Variants in C11orf24 observed in about 807,000 individuals in gnomAD.
C11orf24 encodes the protein uncharacterized protein C11orf24.
Under a neutral mutation model 7.3 loss-of-function variants are expected in C11orf24, and 5 were observed. The ratio of observed to expected loss-of-function variants is 0.69; its 90% CI spans 0.36 to 1.45. The LOEUF (loss-of-function observed/expected upper bound fraction) is 1.45. Ranked by LOEUF, C11orf24 falls within the 40% of genes most tolerant of loss-of-function variation. The probability of loss-of-function intolerance (pLI) is 0.03; values close to 1 mark genes in which losing one functional copy is unlikely to be tolerated. For synonymous variants in C11orf24, 233 were observed against 235.7 expected, an observed-to-expected ratio of 0.99 and a Z score of 0.11; for missense variants, 566 against 590.5, an observed-to-expected ratio of 0.96 and a Z score of 0.43.
Position 68,261,929 on chromosome 11 carries a change from C to T in C11orf24, c.1066G>A (p.Asp356Asn). 1 of 1,613,952 alleles carries T rather than the reference C, an allele frequency of 6.2e-7. No individual in the cohort carries two copies. The highest frequency in any genetic ancestry group is 8.5e-7 in the Non-Finnish European group (1 of 1,180,048). Reference sequence around the variant, plus strand: ...CTCCTGGGTGTTGGCCCAGTGGAATCAGTACCTGGTGTGGCTTCAGTCTCT... The same window carrying T: ...CTCCTGGGTGTTGGCCCAGTGGAATTAGTACCTGGTGTGGCTTCAGTCTCT... Reference protein sequence around the residue: ...QVETEATPGTDSTGPTPRSSG... With the variant: ...QVETEATPGTNSTGPTPRSSG... The change falls in exon 4 of 4, where the codon GAT becomes AAT. Residue 356 changes from aspartate to asparagine, a missense_variant. Coordinates refer to ENST00000304271, the MANE Select transcript of C11orf24 (RefSeq NM_022338.4).
Position 68,262,355 on chromosome 11 carries a change from C to T in C11orf24, c.640G>A (p.Ala214Thr). Residue 214 changes from alanine (A) to threonine (T), a missense_variant, in exon 4 of 4, where the codon GCT becomes ACT. By Grantham distance (58) the Ala-to-Thr change is moderately conservative (BLOSUM62 0). Coordinates refer to ENST00000304271, the MANE Select transcript of C11orf24 (RefSeq NM_022338.4). ...TTTGCTGTGGTCGCTACAGTCTGAG[C>T]ACGTGTGGCCAATGTGGCCAGGGTT... ...TATLATLATR[A>T]QTVATTANTS... The T allele has an allele frequency of 1.2e-6, 2 of 1,614,132 alleles. No individual in the cohort carries two copies. The highest frequency in any genetic ancestry group is 8.5e-7 in the Non-Finnish European group (1 of 1,180,014).
At position 68,262,867 on chromosome 11, in the gene C11orf24, G is replaced by C; in HGVS notation, c.128C>G (p.Ser43Cys). The change falls in exon 4 of 4, where the codon TCT becomes TGT. Residue 43 changes from serine to cysteine, a missense_variant. By Grantham distance (112) the Ser-to-Cys change is moderately radical. Transcript: ENST00000304271. Reference protein sequence around the residue: ...MWKGLVKRNASVETVDNKTSE... With the variant: ...MWKGLVKRNACVETVDNKTSE... ...CGTTTTATTATCAACTGTTTCCACA[G>C]ATGCATTCCTCTTGACTAATCCCTT... The C allele has an allele frequency of 1.9e-6, 3 of 1,614,140 alleles. No homozygotes were observed. The South Asian group carries it at 3.3e-5, about 18-fold the overall frequency.
rs755379755 is a variant in C11orf24 at position 68,261,876 on chromosome 11, C to G, written c.1119G>C (p.Thr373=). ...RSSGGTKMPA[T]DSCQPSTQGQ... ...CTTGGGTGCTGGGCTGGCACGAGTC[C>G]GTGGCTGGCATCTTAGTGCCCCCTG... Residue 373 remains threonine, a synonymous_variant, in exon 4 of 4, where the codon ACG becomes ACC. Coordinates refer to ENST00000304271, the MANE Select transcript of C11orf24 (RefSeq NM_022338.4). The G allele has an allele frequency of 6.2e-7, 1 of 1,614,048 alleles. No homozygotes were observed. The highest frequency in any genetic ancestry group is 8.5e-7 in the Non-Finnish European group (1 of 1,180,042).
chr11:68,261,586 C>T lies in C11orf24; in HGVS notation c.*59G>A. ...AATTTGGAAGCACTTGGTTTGGTCTCAAAGGCAAAAGGAAAGGACGAGGAA... is the reference window on the plus strand; with the variant it reads ...AATTTGGAAGCACTTGGTTTGGTCTTAAAGGCAAAAGGAAAGGACGAGGAA... On this transcript the variant is annotated 3_prime_UTR_variant, in exon 4 of 4. Coordinates refer to ENST00000304271, the MANE Select transcript of C11orf24 (RefSeq NM_022338.4). The T allele has an allele frequency of 6.7e-7, 1 of 1,498,026 alleles. No homozygotes were observed. Among genetic ancestry groups the T allele is most frequent in the Non-Finnish European group, 9.0e-7 (1 of 1,112,034 alleles). 92.8% of individuals were successfully genotyped at this position (1,498,026 alleles called of 1,614,324 possible).
At position 68,263,795 on chromosome 11, in the gene C11orf24, G is replaced by A. The variant is rs761904584; in HGVS notation, c.-28C>T. 5.6e-6 allele frequency: 9 copies of A among 1,594,450 alleles called. No homozygotes were observed. The highest frequency in any genetic ancestry group is 7.7e-6 in the Non-Finnish European group (9 of 1,170,248). On this transcript the variant is annotated 5_prime_UTR_variant, in exon 3 of 4. Coordinates refer to ENST00000304271, the MANE Select transcript of C11orf24 (RefSeq NM_022338.4). ...TGTGGGTGAGCTGGGAGCAAGGCTG[G>A]GCGGTCCCCGAGGCTCCCAGCCAGC...
intron 3 of C11orf24, 36 bp downstream of exon 3, chr11:68,263,656 G>T: frequency 6.3e-7 from 1 of 1,590,670 alleles, no homozygotes; most frequent in East Asian, 2.2e-5. Context: ...TGGCCACCGT[G>T]GGCCCATCCA....
intron 1 of C11orf24, among the ~76,000 whole-genome samples, chr11:68,269,766 A>C (rs979692427): frequency 1.1e-4 from 17 of 151,914 alleles, no homozygotes; most frequent in Middle Eastern, 3.4e-3. Flanking sequence ...ATCACCACTT[A>C]CTCCCTCCCA....
chr11:68,261,633 C>T lies in C11orf24; in HGVS notation c.*12G>A. ...GGAAGGGGCCAGGCCTCCCGCCAGG[C>T]CCCCGCCCCCCTCACATTTCTGAGT... is the stretch of plus-strand genomic sequence containing the variant. On this transcript the variant is annotated 3_prime_UTR_variant, in exon 4 of 4. Transcript: ENST00000304271. 2 of 1,592,862 alleles carry T rather than the reference C, an allele frequency of 1.3e-6. No homozygotes were observed. The highest frequency in any genetic ancestry group is 1.7e-6 in the Non-Finnish European group (2 of 1,164,316).
chr11:68,262,431 G>A lies in C11orf24; in HGVS notation c.564C>T (p.Leu188=). ...PSTTATGHPS[L]STALAQVPKS... ...TTGGCACTTGTGCGAGGGCTGTGCT[G>A]AGAGATGGATGCCCAGTGGCGGTAG... The change falls in exon 4 of 4, where the codon CTC becomes CTT. Residue 188 remains leucine, a synonymous_variant. Coordinates refer to ENST00000304271, the MANE Select transcript of C11orf24 (RefSeq NM_022338.4). 6 of 1,614,178 alleles carry A rather than the reference G, an allele frequency of 3.7e-6. No individual in the cohort carries two copies. The highest frequency in any genetic ancestry group is 3.4e-6 in the Non-Finnish European group (4 of 1,180,022).
In C11orf24 at chr11:68,262,679, C is replaced by T; in HGVS notation, c.316G>A (p.Ala106Thr). The change falls in exon 4 of 4, where the codon GCT (alanine) becomes ACT (threonine). Residue 106 changes from alanine (A) to threonine (T), a missense_variant. Transcript: ENST00000304271. ...GTACTGGAGGCCACAGCCGTGGGAG[C>T]AATGGAGGTCACACCATCAGCTGCA... ...GGAADGVTSI[A>T]PTAVASSTTA... 1 of 1,614,102 alleles carries T rather than the reference C, an allele frequency of 6.2e-7. No individual in the cohort carries two copies.
rs1202507282 is a variant in C11orf24 at position 68,262,095 on chromosome 11, C to T, written c.900G>A (p.Glu300=). The T allele has an allele frequency of 3.1e-6, 5 of 1,613,662 alleles. No homozygotes were observed. Among genetic ancestry groups the T allele is most frequent in the East Asian group, 2.2e-5 (1 of 44,886 alleles). ...VVTTTKAQAR[E]PTASPVPVPH... ...GTACTGGCACTGGGCTGGCAGTTGG[C>T]TCCCTGGCTTGTGCCTTGGTGGTGG... is the stretch of plus-strand genomic sequence containing the variant. Residue 300 remains glutamate (E), a synonymous_variant, in exon 4 of 4, where the codon GAG becomes GAA. Coordinates refer to ENST00000304271, the MANE Select transcript of C11orf24 (RefSeq NM_022338.4).
chr11:68,262,651 G>A lies in C11orf24; in HGVS notation c.344C>T (p.Thr115Ile), dbSNP rs1234389593. The A allele has an allele frequency of 6.2e-7, 1 of 1,614,082 alleles. No homozygotes were observed. Among genetic ancestry groups the A allele is most frequent in the South Asian group, 1.1e-5 (1 of 91,050 alleles). ...GGCCGCAGTCGTAATGGAGGCCGCA[G>A]TCGTACTGGAGGCCACAGCCGTGGG... is the stretch of plus-strand genomic sequence containing the variant. The part of the protein sequence containing the change: ...IAPTAVASST[T>I]AASITTAASS... Residue 115 changes from threonine to isoleucine, a missense_variant, in exon 4 of 4, where the codon ACT (threonine) becomes ATT (isoleucine). Transcript: ENST00000304271.
chr11:68,271,402 G>A (rs79666127), intron 1 of C11orf24, among the ~76,000 whole-genome samples: 15,938 of 152,148 alleles, frequency 0.1, 1,038 homozygotes, highest in African/African-American at 0.18. Context: ...GGTAGAGAGA[G>A]GGTCTGGGGG....
rs2098566094 is a variant in C11orf24 at position 68,268,045 on chromosome 11, G to A, written c.-100+9C>T. 6.6e-6 allele frequency: 1 copy of A among 152,420 alleles called. No homozygotes were observed. Among genetic ancestry groups the A allele is most frequent in the Admixed American group, 6.5e-5 (1 of 15,290 alleles). 9.4% of individuals were successfully genotyped at this position (152,420 alleles called of 1,614,324 possible). On this transcript the variant is annotated intron_variant, in intron 2 of 3. Coordinates refer to ENST00000304271, the MANE Select transcript of C11orf24 (RefSeq NM_022338.4). ...AAGCAGGCCCAGCCTGCAGGGCCAG[G>A]ACACTTACCAGAGGCTGCTGCTAAG...
At chr11:68,264,463 T>TATCC (rs1245209734) in intron 2 of C11orf24, among the ~76,000 whole-genome samples, 28 of 55,926 alleles carry the variant, frequency 5.0e-4, no homozygotes, top group Admixed American at 7.3e-4. Context: ...CTTACCCATC[T>TATCC]ATCCATCCAT....
Position 68,261,439 on chromosome 11 carries a change from C to T in C11orf24, c.*206G>A. 1.8e-6 allele frequency: 1 copy of T among 555,256 alleles called. No individual in the cohort carries two copies. The highest frequency in any genetic ancestry group is 2.4e-5 in the South Asian group (1 of 41,316). The allele number at this position is 555,256 out of a possible 1,614,324, so 34.4% of individuals were successfully genotyped here. ...GGTGGAACCCCCAGCTGCTCCTGGG[C>T]ACAGAATCATTTACAAAAATAAATA... On this transcript the variant is annotated 3_prime_UTR_variant, in exon 4 of 4. Coordinates refer to ENST00000304271, the MANE Select transcript of C11orf24 (RefSeq NM_022338.4).
chr11:68,271,140 T>C (rs939123719), intron 1 of C11orf24, among the ~76,000 whole-genome samples: 2 of 152,208 alleles, frequency 1.3e-5, no homozygotes, highest in Non-Finnish European at 2.9e-5. Context: ...TCCTAGCTGA[T>C]TTTATCGAAA....
chr11:68,267,274 T>C (rs556045364), intron 2 of C11orf24: 3 of 152,332 alleles, frequency 2.0e-5, no homozygotes, highest in African/African-American at 4.8e-5. Flanking sequence ...ACCTCCTCCT[T>C]CTTGTCCAGT....
At chr11:68,269,587 T>C (rs947001110) in intron 1 of C11orf24, among the ~76,000 whole-genome samples, 2 of 152,150 alleles carry the variant, frequency 1.3e-5, no homozygotes, top group South Asian at 2.1e-4. Context: ...CAGCTGCACA[T>C]ATGTCCATCT....
Sources: allele counts gnomAD v4.1 joint callset (sites outside exome capture counted in the v4.1 genomes callset), GRCh38; gene constraint gnomAD v4.1.1; transcripts MANE v1.5; gene names NCBI Gene and HGNC (gene_info 2026-07-23, HGNC 2026-07-21).